Variants in AFF2 observed in about 807,000 individuals in gnomAD.
AFF2 encodes AF4/FMR2 family member 2.
A neutral mutation model predicts 76.9 loss-of-function variants in AFF2; 14 were observed. That is an observed-to-expected ratio of 0.18 (90% confidence interval 0.12 to 0.28). AFF2 has a LOEUF of 0.28. AFF2 is among the 10% of genes least tolerant of loss of function. The pLI is 1.00. For missense variants in AFF2, 868 were observed against 1,001.1 expected, an observed-to-expected ratio of 0.87 and a Z score of 1.79; for synonymous variants, 398 against 366.7, an observed-to-expected ratio of 1.09 and a Z score of -0.98.
At chrX:148,501,251 G>A (rs2124174252) in intron 1 of AFF2, 107 bp downstream of exon 1, 1 of 1,016,865 alleles carries the variant, frequency 9.8e-7, no homozygotes. Flanking sequence ...GGGCGCCCCG[G>A]ACTCCCTCCC....
At chrX:148,886,736 T>C (rs1174290963) in intron 8 of AFF2, among the ~76,000 whole-genome samples, 1 of 112,280 alleles carries the variant, frequency 8.9e-6, no homozygotes, top group Non-Finnish European at 1.9e-5. Context: ...TGGGTGTGCT[T>C]ATCACCTCAA....
intron 18 of AFF2, among the ~76,000 whole-genome samples, chrX:148,980,263 A>C (rs2072375618): frequency 8.9e-6 from 1 of 112,149 alleles, no homozygotes; most frequent in Non-Finnish European, 1.9e-5. Context: ...AGAGCAAATC[A>C]AGGTGATTCC....
At chrX:148,807,353 G>T (rs1170964554) in intron 3 of AFF2, among the ~76,000 whole-genome samples, 1 of 112,024 alleles carries the variant, frequency 8.9e-6, no homozygotes, top group Non-Finnish European at 1.9e-5. Context: ...ATTGGGCTTT[G>T]CGGATTACAA....
At chrX:148,513,567 A>G (rs1557233412) in intron 1 of AFF2, among the ~76,000 whole-genome samples, 1 of 111,894 alleles carries the variant, frequency 8.9e-6, no homozygotes, top group Non-Finnish European at 1.9e-5. Flanking sequence ...GGCTGGAAAT[A>G]TGTGGGTTTA....
At chrX:148,895,722 A>G (rs1557280250) in intron 8 of AFF2, among the ~76,000 whole-genome samples, 5 of 111,258 alleles carry the variant, frequency 4.5e-5, no homozygotes, top group African/African-American at 1.6e-4. Context: ...TTCCAATCCC[A>G]TATGCTCTGT....
chrX:148,744,410 A>C (rs1175652194), intron 3 of AFF2, among the ~76,000 whole-genome samples: 2 of 112,293 alleles, frequency 1.8e-5, no homozygotes, highest in Admixed American at 1.9e-4. Context: ...TTAAGGCATA[A>C]TGTCATCACG....
chrX:148,524,097 TTCTCTC>T (rs374800530), intron 1 of AFF2, among the ~76,000 whole-genome samples: 3 of 78,258 alleles, frequency 3.8e-5, no homozygotes, highest in Admixed American at 1.6e-4. Flanking sequence ...CTCTCTCTCT[TTCTCTC>T]TCTCTCTCTC....
intron 4 of AFF2, among the ~76,000 whole-genome samples, chrX:148,814,633 T>C (rs782259101): frequency 1.8e-5 from 2 of 111,925 alleles, no homozygotes; most frequent in Non-Finnish European, 3.8e-5. Context: ...ATCAGGTTGG[T>C]AAACACCTAC....
At chrX:148,630,226 C>A (rs2124430026) in intron 1 of AFF2, among the ~76,000 whole-genome samples, 1 of 111,347 alleles carries the variant, frequency 9.0e-6, no homozygotes, top group African/African-American at 3.3e-5. Flanking sequence ...AGGTTTCTCA[C>A]ACAAAGGGCC....
intron 1 of AFF2, among the ~76,000 whole-genome samples, chrX:148,538,759 G>A (rs948018670): frequency 9.0e-6 from 1 of 111,700 alleles, no homozygotes; most frequent in South Asian, 3.8e-4. Context: ...GACAATCCCC[G>A]TTTTACAGAT....
chrX:148,878,820 C>T (rs908367645), intron 7 of AFF2, among the ~76,000 whole-genome samples: 1 of 112,381 alleles, frequency 8.9e-6, no homozygotes, highest in African/African-American at 3.2e-5. Flanking sequence ...AAGACTGTTT[C>T]GTTGTGAGTA....
intron 3 of AFF2, among the ~76,000 whole-genome samples, chrX:148,752,012 C>A (rs1557266518): frequency 9.0e-6 from 1 of 111,425 alleles, no homozygotes; most frequent in African/African-American, 3.3e-5. Flanking sequence ...GCAGAAAATG[C>A]AGAAAAGCAA....
chrX:148,787,074 GTAAAC>G (rs1474748153), intron 3 of AFF2, among the ~76,000 whole-genome samples: 8 of 112,578 alleles, frequency 7.1e-5, no homozygotes, highest in African/African-American at 2.6e-4. Context: ...TTTTTGCTGA[GTAAAC>G]TAACGAACAA....
chrX:148,504,008 C>G (rs921891340), intron 1 of AFF2, among the ~76,000 whole-genome samples: 2 of 111,683 alleles, frequency 1.8e-5, no homozygotes, highest in Non-Finnish European at 3.8e-5. Context: ...AAAGACATCA[C>G]TTGCTCTTAA....
chrX:148,600,689 A>C (rs1200203331), intron 1 of AFF2, among the ~76,000 whole-genome samples: 1 of 111,318 alleles, frequency 9.0e-6, no homozygotes, highest in African/African-American at 3.3e-5. Context: ...ATTTTCTCAC[A>C]ATGTGGCAGA....
chrX:148,773,626 G>A (rs966223339), intron 3 of AFF2, among the ~76,000 whole-genome samples: 2 of 102,869 alleles, frequency 1.9e-5, no homozygotes, highest in Admixed American at 2.2e-4. Flanking sequence ...AAAAAGGAAG[G>A]AAGGAAGGAA....
chrX:148,986,417 G>A (rs782239420), intron 19 of AFF2, among the ~76,000 whole-genome samples: 4 of 111,757 alleles, frequency 3.6e-5, no homozygotes, highest in Admixed American at 2.8e-4. Context: ...GAAGAAAAAC[G>A]ACCCCCATGC....
chrX:148,800,656 A>G (rs1557270841), intron 3 of AFF2, among the ~76,000 whole-genome samples: 1 of 111,607 alleles, frequency 9.0e-6, no homozygotes, highest in Non-Finnish European at 1.9e-5. Flanking sequence ...TTAAGACCCC[A>G]TAATATACCT....
chrX:148,955,821 T>C lies in AFF2; in HGVS notation c.1776T>C (p.Ile592=). 8.3e-7 allele frequency: 1 copy of C among 1,211,209 alleles called. No homozygotes were observed. The highest frequency in any genetic ancestry group is 1.1e-6 in the Non-Finnish European group (1 of 895,365). ...EPKERPLLSL[I]REKARPRPTQ... Reference sequence around the variant, plus strand: ...AAGAAAGGCCTCTCCTCAGTCTCATTAGGGAGAAAGCCCGTCCACGGCCCA... The same window carrying C: ...AAGAAAGGCCTCTCCTCAGTCTCATCAGGGAGAAAGCCCGTCCACGGCCCA... The change falls in exon 11 of 21, where the codon ATT becomes ATC. Residue 592 remains isoleucine (I), a synonymous_variant. Transcript: ENST00000370460.
Sources: allele counts gnomAD v4.1 joint callset (sites outside exome capture counted in the v4.1 genomes callset), GRCh38; gene constraint gnomAD v4.1.1; transcripts MANE v1.5; gene names NCBI Gene and HGNC (gene_info 2026-07-23, HGNC 2026-07-21).